The following CACHD1 variants were observed in gnomAD, a reference collection of about 807,000 sequenced individuals.
The protein encoded by CACHD1 is cache domain containing 1.
CACHD1 carries 71 observed loss-of-function variants against 138.7 expected under a neutral mutation model. That is an observed-to-expected ratio of 0.51 (90% CI 0.42 to 0.62). The LOEUF (loss-of-function observed/expected upper bound fraction) is 0.62. Among genes scored for constraint, CACHD1 ranks in the 20% least tolerant of loss-of-function variants. The pLI is 0.00. For missense variants in CACHD1, 1,389 were observed against 1,625.3 expected, an observed-to-expected ratio of 0.85 and a Z score of 2.50; for synonymous variants, 578 against 591.5, an observed-to-expected ratio of 0.98 and a Z score of 0.33.
At chr1:64,549,711 T>C (rs1646744068) in intron 1 of CACHD1, among the ~76,000 whole-genome samples, 2 of 152,008 alleles carry the variant, frequency 1.3e-5, no homozygotes, top group Middle Eastern at 3.2e-3. Context: ...GGCTGACATC[T>C]CCAGGTCTGA....
At chr1:64,558,617 G>A (rs1646816190) in intron 2 of CACHD1, among the ~76,000 whole-genome samples, 1 of 152,152 alleles carries the variant, frequency 6.6e-6, no homozygotes, top group Admixed American at 6.5e-5. Context: ...GACACCAAGA[G>A]CAATTTCAAC....
At position 64,663,740 on chromosome 1, in the gene CACHD1, A is replaced by G. The variant is rs762990213; in HGVS notation, c.1997A>G (p.Tyr666Cys). The change falls in exon 14 of 27, where the codon TAT becomes TGT. Residue 666 changes from tyrosine (Y) to cysteine (C), a missense_variant. This residue lies in a region of CACHD1 where 1,000 missense variants were observed against 1,114.7 expected (regional missense o/e 0.90). Coordinates refer to ENST00000651257, the MANE Select transcript of CACHD1 (RefSeq NM_020925.4). Reference protein sequence around the residue: ...MLSAGSFSSPYEHLSQPETKR... With the variant: ...MLSAGSFSSPCEHLSQPETKR... ...TCTGCTGGCAGCTTTTCCTCCCCCTATGAGCACCTCAGCCAGCCAGAGACA... is the reference window on the plus strand; with the variant it reads ...TCTGCTGGCAGCTTTTCCTCCCCCTGTGAGCACCTCAGCCAGCCAGAGACA... 4.2e-5 allele frequency: 67 copies of G among 1,613,772 alleles called. No individual in the cohort carries two copies. The highest frequency in any genetic ancestry group is 4.9e-5 in the Non-Finnish European group (58 of 1,179,954).
intron 1 of CACHD1, among the ~76,000 whole-genome samples, chr1:64,482,789 A>C (rs1365497835): frequency 6.6e-6 from 1 of 152,192 alleles, no homozygotes. Context: ...CAAATACATT[A>C]TTTGCACATA....
At chr1:64,547,317 G>A (rs753653812) in intron 1 of CACHD1, among the ~76,000 whole-genome samples, 1 of 152,196 alleles carries the variant, frequency 6.6e-6, no homozygotes, top group African/African-American at 2.4e-5. Context: ...AATTCACCCT[G>A]TAGTTTGAGA....
chr1:64,568,716 C>T (rs1450900389), intron 2 of CACHD1, among the ~76,000 whole-genome samples: 1 of 152,040 alleles, frequency 6.6e-6, no homozygotes, highest in African/African-American at 2.4e-5. Context: ...ATGTATAGTA[C>T]ATTAGTCAAT....
chr1:64,679,620 G>GA lies in CACHD1; in HGVS notation c.3271dup (p.Ile1091AsnfsTer2). 5.0e-6 allele frequency: 8 copies of GA among 1,614,194 alleles called. No individual in the cohort carries two copies. The highest frequency in any genetic ancestry group is 6.8e-6 in the Non-Finnish European group (8 of 1,180,030). ...GTGATGAGGTGATCACATTAAACAT[G>GA]ATTAAAAGCGCCCCTGTGGGTCCTG... On this transcript the variant is annotated frameshift_variant, in exon 24 of 27. Transcript: ENST00000651257. LOFTEE classifies it high-confidence loss of function.
At chr1:64,519,753 A>G (rs1227965302) in intron 1 of CACHD1, among the ~76,000 whole-genome samples, 3 of 37,458 alleles carry the variant, frequency 8.0e-5, no homozygotes, top group African/African-American at 1.2e-4. Context: ...TTAAAAAATA[A>G]AATATTGCAA....
chr1:64,574,750 G>T (rs979196879), intron 2 of CACHD1, among the ~76,000 whole-genome samples: 2 of 152,170 alleles, frequency 1.3e-5, no homozygotes, highest in Non-Finnish European at 2.9e-5. Context: ...TCACAAAGCA[G>T]CTATTATTAT....
Position 64,540,336 on chromosome 1 carries a change from T to C in CACHD1, c.199-10258T>C, listed in dbSNP as rs571496686. Among the ~76,000 whole-genome samples, 11 of 152,084 alleles carry C rather than the reference T, an allele frequency of 7.2e-5. No homozygotes were observed. The East Asian group carries it at 2.1e-3, about 29-fold the overall frequency. On this transcript the variant is annotated intron_variant, in intron 1 of 26. Transcript: ENST00000651257. ...TCTAGGGGGTAGGGGTGGAGGCGTT[T>C]GGTGTTGGGAGAGTGAAAATAGGGG... is the stretch of plus-strand genomic sequence containing the variant.
At chr1:64,485,872 A>C (rs1646238938) in intron 1 of CACHD1, among the ~76,000 whole-genome samples, 1 of 152,306 alleles carries the variant, frequency 6.6e-6, no homozygotes, top group African/African-American at 2.4e-5. Flanking sequence ...GTAAGTTTTC[A>C]TATTTCTAGG....
intron 10 of CACHD1, 74 bp from the exon 11 acceptor site, chr1:64,653,684 A>G: frequency 2.6e-6 from 4 of 1,515,370 alleles, no homozygotes; most frequent in East Asian, 2.3e-5. Flanking sequence ...AGAGTACCCC[A>G]TATTTCAAAA....
intron 24 of CACHD1, among the ~76,000 whole-genome samples, chr1:64,680,881 G>A (rs1241213357): frequency 6.6e-6 from 1 of 152,206 alleles, no homozygotes; most frequent in African/African-American, 2.4e-5. Context: ...GTCATCCAGT[G>A]TTAGCTTATG....
intron 2 of CACHD1, among the ~76,000 whole-genome samples, chr1:64,562,703 G>A (rs1320514114): frequency 6.6e-6 from 1 of 151,934 alleles, no homozygotes; most frequent in African/African-American, 2.4e-5. Context: ...TTACAGGAGT[G>A]AGCCACTGTG....
At chr1:64,610,686 G>A (rs534924813) in intron 4 of CACHD1, among the ~76,000 whole-genome samples, 31 of 152,286 alleles carry the variant, frequency 2.0e-4, no homozygotes, top group South Asian at 1.0e-3. Context: ...CTCCTATCAC[G>A]GGCTAGCCTT....
intron 25 of CACHD1, among the ~76,000 whole-genome samples, chr1:64,681,543 T>TTTTTTTTTTTTTTG (rs1557555742): frequency 4.9e-5 from 5 of 101,952 alleles, no homozygotes; most frequent in Admixed American, 2.4e-4. Flanking sequence ...TTTATTGTGT[T>TTTTTTTTTTTTTTG]TTTTTTTTTT....
At chr1:64,637,823 G>A (rs1380841840) in intron 7 of CACHD1, among the ~76,000 whole-genome samples, 1 of 152,200 alleles carries the variant, frequency 6.6e-6, no homozygotes, top group Non-Finnish European at 1.5e-5. Flanking sequence ...CTTCAGGAAT[G>A]AGCGTTGTCC....
At chr1:64,485,579 T>G (rs1646237354) in intron 1 of CACHD1, among the ~76,000 whole-genome samples, 1 of 152,054 alleles carries the variant, frequency 6.6e-6, no homozygotes, top group African/African-American at 2.4e-5. Context: ...TTTTTGTAGT[T>G]TTTTGTTTTG....
intron 4 of CACHD1, among the ~76,000 whole-genome samples, chr1:64,615,318 T>C (rs2100604080): frequency 6.6e-6 from 1 of 152,290 alleles, no homozygotes; most frequent in South Asian, 2.1e-4. Context: ...AAAGGAGAAT[T>C]GAGAATGGGA....
intron 9 of CACHD1, 148 bp downstream of exon 9, chr1:64,648,182 G>A (rs1648975870): frequency 4.7e-6 from 3 of 644,262 alleles, no homozygotes; most frequent in Non-Finnish European, 5.4e-6. Context: ...CCCCAGCCCA[G>A]GTTCTTCCTT....
Sources: gnomAD v4.1 joint callset for allele counts (sites outside exome capture counted in the v4.1 genomes callset) on GRCh38, gnomAD v4.1.1 for gene constraint, gnomAD v4.1.1 regional missense constraint, MANE v1.5 for transcripts, NCBI Gene and HGNC (gene_info 2026-07-23, HGNC 2026-07-21) for gene names.